The following CCDC88A variants were observed in gnomAD, a reference collection of about 807,000 sequenced individuals.
CCDC88A encodes the protein coiled-coil and HOOK domain protein 88A, also known as girdin.
CCDC88A carries 54 observed loss-of-function variants against 234.3 expected under a neutral mutation model. The observed-to-expected ratio is 0.23, with a 90% CI of 0.19 to 0.29. The LOEUF (loss-of-function observed/expected upper bound fraction) is 0.29, where lower values mean the gene tolerates loss of function less well. Ranked by LOEUF, CCDC88A falls within the 10% of genes least tolerant of loss-of-function variation. CCDC88A has a pLI of 1.00. For synonymous variants in CCDC88A, 753 were observed against 737.8 expected (o/e 1.02, Z -0.33); for missense variants, 1,832 against 2,123.4 (o/e 0.86, Z 2.70).
chr2:55,324,565 G>A (rs1159137047), intron 17 of CCDC88A, among the ~76,000 whole-genome samples: 2 of 152,140 alleles, frequency 1.3e-5, no homozygotes, highest in Middle Eastern at 6.8e-3. Flanking sequence ...CAGTTTTTAT[G>A]ATGATGAATG....
intron 2 of CCDC88A, among the ~76,000 whole-genome samples, chr2:55,409,724 G>T (rs2104978505): frequency 7.7e-6 from 1 of 130,192 alleles, no homozygotes; most frequent in African/African-American, 2.9e-5. Context: ...AGGGGGATGT[G>T]CCTATATACC....
chr2:55,381,423 T>C (rs1476100246), intron 3 of CCDC88A, among the ~76,000 whole-genome samples: 2 of 151,740 alleles, frequency 1.3e-5, no homozygotes, highest in Non-Finnish European at 2.9e-5. Context: ...TGTAGTGGCA[T>C]GCGCCTGTAT....
chr2:55,403,169 A>G (rs1679002673), intron 2 of CCDC88A, among the ~76,000 whole-genome samples: 1 of 152,164 alleles, frequency 6.6e-6, no homozygotes, highest in Non-Finnish European at 1.5e-5. Context: ...CACTTTATTC[A>G]TTTCTGAGGA....
At chr2:55,333,199 A>G (rs1212713618) in intron 15 of CCDC88A, among the ~76,000 whole-genome samples, 2 of 152,166 alleles carry the variant, frequency 1.3e-5, no homozygotes, top group Non-Finnish European at 2.9e-5. Context: ...GTCCCTCTCA[A>G]TGCTTCTTTA....
chr2:55,304,918 G>T (rs904006120), intron 25 of CCDC88A, among the ~76,000 whole-genome samples: 2 of 152,156 alleles, frequency 1.3e-5, no homozygotes, highest in African/African-American at 4.8e-5. Flanking sequence ...AATAATCACA[G>T]CTCTTTTGAC....
At chr2:55,301,812 C>G (rs1439251002) in intron 27 of CCDC88A, 60 bp downstream of exon 27, 2 of 1,444,162 alleles carry the variant, frequency 1.4e-6, no homozygotes, top group Admixed American at 1.7e-5. Flanking sequence ...AGGGAAAAGT[C>G]AAATTAAAAT....
At chr2:55,337,800 A>G (rs562326881) in intron 13 of CCDC88A, 13 of 152,264 alleles carry the variant, frequency 8.5e-5, no homozygotes, top group African/African-American at 3.1e-4. Context: ...AGATCGCACC[A>G]CTGCACTCCA....
intron 12 of CCDC88A, 123 bp downstream of exon 12, chr2:55,343,525 A>T: frequency 1.4e-6 from 1 of 699,138 alleles, no homozygotes; most frequent in Non-Finnish European, 2.3e-6. Flanking sequence ...GTGTGAAATC[A>T]TATCTATGGA....
intron 31 of CCDC88A, chr2:55,294,441 G>A: frequency 1.1e-6 from 1 of 882,644 alleles, no homozygotes; most frequent in Non-Finnish European, 1.4e-6. Flanking sequence ...TCTGAAAAAT[G>A]TTTTATAAAT....
Position 55,355,750 on chromosome 2 carries a change from G to C in CCDC88A, c.629C>G (p.Thr210Ser). 1 of 1,606,048 alleles carries C rather than the reference G, an allele frequency of 6.2e-7. No individual in the cohort carries two copies. Reference sequence around the variant, plus strand: ...CCGCTCTTCAGAGAGTTCTATGATAGTCTAGAAATACACACAGAATCACTT... The same window carrying C: ...CCGCTCTTCAGAGAGTTCTATGATACTCTAGAAATACACACAGAATCACTT... Reference protein sequence around the residue: ...LIDERDEHSETIIELSEERDG... With the variant: ...LIDERDEHSESIIELSEERDG... The change falls in exon 8 of 33, where the codon ACT becomes AGT. Residue 210 changes from threonine to serine, a missense_variant and splice_region_variant. This residue lies in a region of CCDC88A where 1,282 missense variants were observed against 1,543.6 expected (regional missense o/e 0.83). Transcript: ENST00000436346.
intron 10 of CCDC88A, 87 bp from the exon 11 acceptor site, chr2:55,344,601 C>T (rs984817923): frequency 1.1e-5 from 8 of 728,464 alleles, no homozygotes; most frequent in Non-Finnish European, 1.4e-5. Context: ...ATTAAGCCAT[C>T]TTTATCAACA....
chr2:55,373,853 G>A (rs1337398562), intron 4 of CCDC88A, among the ~76,000 whole-genome samples: 1 of 152,050 alleles, frequency 6.6e-6, no homozygotes, highest in African/African-American at 2.4e-5. Flanking sequence ...CTGAGAGGGG[G>A]TATGGGCTGA....
intron 2 of CCDC88A, among the ~76,000 whole-genome samples, chr2:55,415,145 T>C (rs1681153124): frequency 1.3e-5 from 2 of 148,520 alleles, no homozygotes; most frequent in African/African-American, 5.0e-5. Context: ...AGAGCAAAAA[T>C]GTAATTAAAA....
In CCDC88A at chr2:55,328,310, C is replaced by A. The variant is rs373567227; in HGVS notation, c.2981G>T (p.Arg994Leu). The A allele has an allele frequency of 3.1e-6, 5 of 1,590,282 alleles. No homozygotes were observed. Among genetic ancestry groups the A allele is most frequent in the East Asian group, 2.3e-5 (1 of 44,062 alleles). The change falls in exon 17 of 33, where the codon CGC (arginine) becomes CTC (leucine). Residue 994 changes from arginine to leucine, a missense_variant. Around this residue, in one of 6 missense-constraint regions of CCDC88A, gnomAD observed 1,282 missense variants for 1,543.6 expected, o/e 0.83. Transcript: ENST00000436346. The surrounding 1 kb of genome is among the most constrained non-coding windows in gnomAD (Gnocchi z 4.3). ...EESTNYNQQL[R>L]QELKTVKKNY... ...ATCACTTACTGTTTTAAGTTCTTGG[C>A]GCAATTGCTGGTTATAATTCGTGGA...
chr2:55,396,905 T>C (rs982239524), intron 2 of CCDC88A, among the ~76,000 whole-genome samples: 1 of 148,210 alleles, frequency 6.7e-6, no homozygotes, highest in Non-Finnish European at 1.5e-5. Flanking sequence ...GTTTCAGCAA[T>C]GTTTTTTCTA....
intron 2 of CCDC88A, among the ~76,000 whole-genome samples, chr2:55,396,904 A>T (rs1035821871): frequency 6.7e-6 from 1 of 150,324 alleles, no homozygotes; most frequent in African/African-American, 2.4e-5. Context: ...GGTTTCAGCA[A>T]TGTTTTTTCT....
intron 9 of CCDC88A, among the ~76,000 whole-genome samples, chr2:55,346,960 T>C (rs781767829): frequency 6.6e-6 from 1 of 152,118 alleles, no homozygotes; most frequent in Non-Finnish European, 1.5e-5. Context: ...ATGTAAAAAA[T>C]ATTCAGGATA....
chr2:55,406,988 G>A (rs374413756), intron 2 of CCDC88A, among the ~76,000 whole-genome samples: 3 of 152,130 alleles, frequency 2.0e-5, no homozygotes, highest in African/African-American at 7.2e-5. Flanking sequence ...CAAGGCGGGA[G>A]GACTGCTTGA....
At chr2:55,399,325 G>C (rs1437105132) in intron 2 of CCDC88A, among the ~76,000 whole-genome samples, 1 of 152,016 alleles carries the variant, frequency 6.6e-6, no homozygotes, top group African/African-American at 2.4e-5. Flanking sequence ...AGGAGTTCAA[G>C]ACCAGCCTGG....
Sources: allele counts gnomAD v4.1 joint callset (sites outside exome capture counted in the v4.1 genomes callset), GRCh38; gene constraint gnomAD v4.1.1; regional missense constraint gnomAD v4.1.1; non-coding constraint Gnocchi (gnomAD v3.1); transcripts MANE v1.5; gene names NCBI Gene and HGNC (gene_info 2026-07-23, HGNC 2026-07-21).